The following B3GALT1 variants were observed in gnomAD, a reference collection of about 807,000 sequenced individuals.
B3GALT1 encodes UDP-Gal:betaGlcNAc beta 1,3-galactosyltransferase, polypeptide 1.
Under a neutral mutation model 23.2 loss-of-function variants are expected in B3GALT1, and 10 were observed. The observed-to-expected ratio is 0.43, with a 90% CI of 0.27 to 0.73. B3GALT1 has a LOEUF of 0.73. Ranked by LOEUF, B3GALT1 falls within the 30% of genes least tolerant of loss-of-function variation. The probability of loss-of-function intolerance (pLI) is 0.21; values close to 1 mark genes in which losing one functional copy is unlikely to be tolerated. For synonymous variants in B3GALT1, 156 were observed against 141.5 expected (o/e 1.10, Z -0.73); for missense variants, 299 against 405.4 (o/e 0.74, Z 2.25).
intron 2 of B3GALT1, among the ~76,000 whole-genome samples, chr2:167,608,915 A>G (rs1217019396): frequency 6.6e-6 from 1 of 152,170 alleles, no homozygotes; most frequent in Non-Finnish European, 1.5e-5. Context: ...TATGGCCTCT[A>G]GACTGATTTG....
At chr2:167,423,568 C>T (rs183403922) in intron 1 of B3GALT1, among the ~76,000 whole-genome samples, 17 of 152,258 alleles carry the variant, frequency 1.1e-4, no homozygotes, top group Non-Finnish European at 1.0e-4. Flanking sequence ...TTGTCAGGGA[C>T]GAGCAGATGA....
At chr2:167,867,415 GCCTAAC>G (rs1013092946) in intron 4 of B3GALT1, among the ~76,000 whole-genome samples, 3 of 152,012 alleles carry the variant, frequency 2.0e-5, no homozygotes, top group African/African-American at 7.3e-5. Flanking sequence ...TTGGATGAAG[GCCTAAC>G]TATGCCTAGA....
intron 2 of B3GALT1, among the ~76,000 whole-genome samples, chr2:167,510,402 G>A (rs1699987903): frequency 7.4e-6 from 1 of 135,226 alleles, no homozygotes; most frequent in Non-Finnish European, 1.6e-5. Context: ...ATGATTGCAA[G>A]TTTTGTTTTT....
At chr2:167,395,332 T>G (rs1698078168) in intron 1 of B3GALT1, among the ~76,000 whole-genome samples, 1 of 152,122 alleles carries the variant, frequency 6.6e-6, no homozygotes, top group Admixed American at 6.6e-5. Flanking sequence ...TGGGTGGGCC[T>G]GATGCAATCA....
intron 1 of B3GALT1, among the ~76,000 whole-genome samples, chr2:167,383,495 A>C (rs1697873792): frequency 1.3e-5 from 2 of 152,242 alleles, no homozygotes; most frequent in Admixed American, 1.3e-4. Context: ...GACCTTCCTG[A>C]GCTCTAGAGC....
intron 3 of B3GALT1, among the ~76,000 whole-genome samples, chr2:167,742,176 C>T (rs1687587087): frequency 6.6e-6 from 1 of 152,186 alleles, no homozygotes; most frequent in Non-Finnish European, 1.5e-5. Context: ...TTTTCACTCT[C>T]GGTTTTTGAT....
chr2:167,825,659 C>T (rs549711610), intron 4 of B3GALT1, among the ~76,000 whole-genome samples: 14 of 152,094 alleles, frequency 9.2e-5, no homozygotes, highest in Admixed American at 3.9e-4. Context: ...TTTCTCTGAC[C>T]CACCCAGGGC....
chr2:167,471,020 T>C (rs1038824647), intron 1 of B3GALT1, among the ~76,000 whole-genome samples: 1 of 152,184 alleles, frequency 6.6e-6, no homozygotes, highest in Admixed American at 6.5e-5. Context: ...ACTAGGCTGA[T>C]TGAAGAGATT....
intron 1 of B3GALT1, among the ~76,000 whole-genome samples, chr2:167,460,416 G>C (rs1699240974): frequency 1.3e-5 from 2 of 151,692 alleles, no homozygotes; most frequent in Admixed American, 1.3e-4. Context: ...TTTCATTTCA[G>C]GTGTTCTACT....
intron 3 of B3GALT1, among the ~76,000 whole-genome samples, chr2:167,704,170 A>G (rs958689054): frequency 3.7e-5 from 5 of 133,700 alleles, no homozygotes; most frequent in South Asian, 2.7e-4. Context: ...AAAGGAGCGA[A>G]ACTCAGTCTC....
rs1346230264 is a variant in B3GALT1 at position 167,512,598 on chromosome 2, A to G, written c.-410+22321A>G. 4.6e-5 allele frequency among the ~76,000 whole-genome samples: 5 copies of G among 108,228 alleles called. 1 individual carries two copies. The highest frequency in any genetic ancestry group is 1.4e-4 in the African/African-American group (3 of 20,968). 71.0% of individuals were successfully genotyped at this position (108,228 alleles called of 152,430 possible). On this transcript the variant is annotated intron_variant, in intron 2 of 4. Coordinates refer to ENST00000392690, the MANE Select transcript of B3GALT1 (RefSeq NM_020981.4). ...TATATATGTATATATATATGTGTATATATATATATGTATATATATATACGT... is the reference window on the plus strand; with the variant it reads ...TATATATGTATATATATATGTGTATGTATATATATGTATATATATATACGT...
At chr2:167,618,526 TA>T (rs1261371162) in intron 2 of B3GALT1, among the ~76,000 whole-genome samples, 1 of 151,816 alleles carries the variant, frequency 6.6e-6, no homozygotes, top group Non-Finnish European at 1.5e-5. Flanking sequence ...ATGATCAAAA[TA>T]AAAAAAGGTA....
chr2:167,862,895 G>A (rs1160364771), intron 4 of B3GALT1: 3 of 152,176 alleles, frequency 2.0e-5, no homozygotes, highest in Non-Finnish European at 2.9e-5. Flanking sequence ...CTGTGAATGA[G>A]GTAATCTGAA....
intron 1 of B3GALT1, among the ~76,000 whole-genome samples, chr2:167,466,835 C>T (rs1202530367): frequency 1.3e-5 from 2 of 150,932 alleles, no homozygotes; most frequent in Middle Eastern, 3.2e-3. Context: ...GCCTCAGCCT[C>T]CCAAGTAGCT....
chr2:167,305,383 A>G (rs1281443274), intron 1 of B3GALT1, among the ~76,000 whole-genome samples: 1 of 152,146 alleles, frequency 6.6e-6, no homozygotes. Flanking sequence ...TTATTATGAG[A>G]CAGTTCCTAC....
chr2:167,787,708 G>A (rs836694), intron 3 of B3GALT1, among the ~76,000 whole-genome samples: 68,341 of 152,054 alleles, frequency 0.45, 18,533 homozygotes, highest in African/African-American at 0.75. Flanking sequence ...ATGCTGCCCA[G>A]TGCTGCCAAA....
chr2:167,636,724 C>CT (rs1419106350), intron 2 of B3GALT1, among the ~76,000 whole-genome samples: 18 of 152,054 alleles, frequency 1.2e-4, no homozygotes, highest in African/African-American at 4.3e-4. Context: ...TCTCAGCAAA[C>CT]TATCACAAGA....
At chr2:167,457,644 T>C (rs902954409) in intron 1 of B3GALT1, among the ~76,000 whole-genome samples, 15 of 152,214 alleles carry the variant, frequency 9.9e-5, no homozygotes, top group African/African-American at 3.6e-4. Flanking sequence ...AATCATCATA[T>C]ACTAATTTCT....
In B3GALT1 at chr2:167,306,393, A is replaced by G. The variant is rs943907848; in HGVS notation, c.-511+13059A>G. Among the ~76,000 whole-genome samples the G allele has an allele frequency of 2.0e-5, 3 of 152,218 alleles. No individual in the cohort carries two copies. The East Asian group carries it at 5.8e-4, about 29-fold the overall frequency. On this transcript the variant is annotated intron_variant, in intron 1 of 4. Transcript: ENST00000392690. The stretch of plus-strand genomic sequence containing the variant: ...ATATACACATATGAACACTGAAATT[A>G]TAAATATGTTGTAAAATGGTGAAAA...
Sources: allele counts gnomAD v4.1 joint callset (sites outside exome capture counted in the v4.1 genomes callset), GRCh38; gene constraint gnomAD v4.1.1; transcripts MANE v1.5; gene names NCBI Gene and HGNC (gene_info 2026-07-23, HGNC 2026-07-21).